The following KCNH8 variants were observed in gnomAD, a reference collection of about 807,000 sequenced individuals.
KCNH8 encodes the protein potassium voltage-gated channel subfamily H member 8.
A neutral mutation model predicts 103.6 loss-of-function variants in KCNH8; 70 were observed. The ratio of observed to expected loss-of-function variants is 0.68; its 90% CI spans 0.56 to 0.82. The LOEUF is 0.82. Among genes scored for constraint, KCNH8 ranks in the 40% least tolerant of loss-of-function variants. KCNH8 has a pLI of 0.00. For missense variants in KCNH8, 1,217 were observed against 1,329.9 expected (o/e 0.92, Z 1.32); for synonymous variants, 498 against 489.4 (o/e 1.02, Z -0.23).
chr3:19,401,781 G>A (rs752349855), intron 7 of KCNH8, among the ~76,000 whole-genome samples: 43 of 151,854 alleles, frequency 2.8e-4, no homozygotes, highest in Non-Finnish European at 4.6e-4. Flanking sequence ...GTCTGATCTC[G>A]TATTTAAAGA....
intron 8 of KCNH8, among the ~76,000 whole-genome samples, chr3:19,446,376 C>T (rs894343076): frequency 8.5e-5 from 13 of 152,106 alleles, no homozygotes; most frequent in South Asian, 2.1e-4. Flanking sequence ...AGGCTTCCCT[C>T]GGGTCCCCCC....
intron 1 of KCNH8, among the ~76,000 whole-genome samples, chr3:19,221,054 T>C (rs1006166962): frequency 6.6e-6 from 1 of 152,240 alleles, no homozygotes; most frequent in Non-Finnish European, 1.5e-5. Context: ...CATTCTGATT[T>C]TCCTTCTGCC....
At chr3:19,207,485 G>A (rs1055783844) in intron 1 of KCNH8, among the ~76,000 whole-genome samples, 2 of 151,680 alleles carry the variant, frequency 1.3e-5, no homozygotes, top group African/African-American at 4.8e-5. Flanking sequence ...TGGATCTGTG[G>A]GCCTAGATTA....
At chr3:19,392,992 TAAG>T (rs1384933708) in intron 6 of KCNH8, among the ~76,000 whole-genome samples, 2 of 151,986 alleles carry the variant, frequency 1.3e-5, no homozygotes, top group African/African-American at 4.8e-5. Flanking sequence ...GTCTAAAACC[TAAG>T]AAGACCTCAC....
At chr3:19,497,224 T>C (rs1462723450) in intron 11 of KCNH8, among the ~76,000 whole-genome samples, 1 of 152,194 alleles carries the variant, frequency 6.6e-6, no homozygotes, top group Admixed American at 6.5e-5. Flanking sequence ...TTTTGTATGA[T>C]TTTTCATGTC....
chr3:19,474,928 G>A (rs111770730), intron 11 of KCNH8, among the ~76,000 whole-genome samples: 2 of 152,096 alleles, frequency 1.3e-5, no homozygotes, highest in Non-Finnish European at 1.5e-5. Context: ...ATCATATATA[G>A]AGAACAACGA....
chr3:19,371,961 A>G (rs1357468668), intron 5 of KCNH8, among the ~76,000 whole-genome samples: 2 of 151,034 alleles, frequency 1.3e-5, no homozygotes, highest in African/African-American at 4.9e-5. Flanking sequence ...GTTCTGTTCC[A>G]TTGATCTATA....
intron 11 of KCNH8, among the ~76,000 whole-genome samples, chr3:19,492,618 TTCA>T (rs2068347168): frequency 6.6e-6 from 1 of 152,188 alleles, no homozygotes; most frequent in South Asian, 2.1e-4. Flanking sequence ...TGCCTCCAGC[TTCA>T]TTTTTGTTGT....
At chr3:19,437,570 AT>A (rs969250061) in intron 7 of KCNH8, among the ~76,000 whole-genome samples, 39 of 152,298 alleles carry the variant, frequency 2.6e-4, no homozygotes, top group African/African-American at 9.1e-4. Context: ...TCCAACCCTA[AT>A]TTCGAAGTGG....
At chr3:19,254,581 C>T (rs1006980762) in intron 2 of KCNH8, among the ~76,000 whole-genome samples, 2 of 152,002 alleles carry the variant, frequency 1.3e-5, no homozygotes, top group Non-Finnish European at 2.9e-5. Flanking sequence ...TCCTTGAGTT[C>T]TATGTAGGAA....
At chr3:19,256,781 T>C (rs1243787951) in intron 2 of KCNH8, among the ~76,000 whole-genome samples, 1 of 152,080 alleles carries the variant, frequency 6.6e-6, no homozygotes, top group African/African-American at 2.4e-5. Context: ...TTAGACACAC[T>C]TGGGTAGAAA....
chr3:19,517,776 G>A (rs2068899886), intron 14 of KCNH8, among the ~76,000 whole-genome samples: 1 of 151,988 alleles, frequency 6.6e-6, no homozygotes, highest in Non-Finnish European at 1.5e-5. Flanking sequence ...TCCAGTCACT[G>A]TGGGTGCAAT....
intron 3 of KCNH8, among the ~76,000 whole-genome samples, chr3:19,321,501 A>G (rs942648999): frequency 6.6e-6 from 1 of 151,526 alleles, no homozygotes. Flanking sequence ...GAGGGTTCCT[A>G]TTGGAGTTGA....
chr3:19,330,674 A>C (rs2065492958), intron 3 of KCNH8, among the ~76,000 whole-genome samples: 1 of 152,192 alleles, frequency 6.6e-6, no homozygotes, highest in Non-Finnish European at 1.5e-5. Context: ...TTTTATTCTT[A>C]ACCACTAATA....
intron 1 of KCNH8, among the ~76,000 whole-genome samples, chr3:19,246,239 A>G (rs1196325710): frequency 6.8e-6 from 1 of 146,790 alleles, no homozygotes; most frequent in East Asian, 2.0e-4. Flanking sequence ...CAAATGAATG[A>G]TTAAATAACT....
chr3:19,498,290 G>C (rs1401193158), intron 11 of KCNH8, among the ~76,000 whole-genome samples: 1 of 152,156 alleles, frequency 6.6e-6, no homozygotes, highest in Non-Finnish European at 1.5e-5. Flanking sequence ...TTGTTAGCTG[G>C]CTATTATATA....
At chr3:19,158,403 T>A (rs971769990) in intron 1 of KCNH8, among the ~76,000 whole-genome samples, 2 of 151,800 alleles carry the variant, frequency 1.3e-5, no homozygotes, top group Non-Finnish European at 3.0e-5. Context: ...ATGATTTTGT[T>A]CTCAGAATTT....
At chr3:19,462,999 G>T (rs529083041) in intron 11 of KCNH8, among the ~76,000 whole-genome samples, 1 of 152,100 alleles carries the variant, frequency 6.6e-6, no homozygotes, top group South Asian at 2.1e-4. Flanking sequence ...AGTGGTGTCT[G>T]TACTAAATAT....
At chr3:19,229,063 C>G (rs1482400036) in intron 1 of KCNH8, among the ~76,000 whole-genome samples, 1 of 152,206 alleles carries the variant, frequency 6.6e-6, no homozygotes, top group Non-Finnish European at 1.5e-5. Flanking sequence ...ACAATGGATT[C>G]TGTTTCTATT....
Sources: allele counts gnomAD v4.1 joint callset (sites outside exome capture counted in the v4.1 genomes callset), GRCh38; gene constraint gnomAD v4.1.1; transcripts MANE v1.5; gene names NCBI Gene and HGNC (gene_info 2026-07-23, HGNC 2026-07-21).